Variants in ARL13B observed in about 807,000 individuals in gnomAD.
The protein encoded by ARL13B is ADP-ribosylation factor-like protein 13B.
In ARL13B, 36 loss-of-function variants were observed where a neutral mutation model predicts 56.1. The ratio of observed to expected loss-of-function variants is 0.64; its 90% CI spans 0.49 to 0.85. The LOEUF (loss-of-function observed/expected upper bound fraction) is 0.85, where lower values mean the gene tolerates loss of function less well. ARL13B is among the 40% of genes least tolerant of loss of function. The pLI is 0.00. For synonymous variants in ARL13B, 178 were observed against 171.1 expected, an observed-to-expected ratio of 1.04 and a Z score of -0.32; for missense variants, 519 against 507.1, an observed-to-expected ratio of 1.02 and a Z score of -0.23.
chr3:94,040,149 T>A (rs554818506), intron 6 of ARL13B, among the ~76,000 whole-genome samples, 161 bp downstream of exon 6: 3 of 152,346 alleles, frequency 2.0e-5, no homozygotes, highest in African/African-American at 7.2e-5. Context: ...AAAGGTTTAC[T>A]GCTTTTTCTT....
intron 3 of ARL13B, among the ~76,000 whole-genome samples, chr3:94,022,827 T>C (rs1254477102): frequency 6.6e-6 from 1 of 152,028 alleles, no homozygotes. Context: ...AAGAAACATA[T>C]AACATTTAAT....
At chr3:93,997,904 T>C (rs534601831) in intron 2 of ARL13B, among the ~76,000 whole-genome samples, 9 of 152,234 alleles carry the variant, frequency 5.9e-5, no homozygotes, top group Admixed American at 1.3e-4. Flanking sequence ...GGAAAATTGC[T>C]TGAACCCCGG....
At chr3:94,045,972 A>G (rs2076977347) in intron 7 of ARL13B, among the ~76,000 whole-genome samples, 1 of 151,268 alleles carries the variant, frequency 6.6e-6, no homozygotes, top group African/African-American at 2.4e-5. Context: ...AAAAAAGAAA[A>G]AAAAAAGACA....
At chr3:94,045,581 T>C (rs1446444396) in intron 7 of ARL13B, among the ~76,000 whole-genome samples, 1 of 151,532 alleles carries the variant, frequency 6.6e-6, no homozygotes, top group Non-Finnish European at 1.5e-5. Flanking sequence ...CATTATAAAA[T>C]ATATGTAAAA....
intron 3 of ARL13B, among the ~76,000 whole-genome samples, chr3:94,028,849 G>A (rs538593390): frequency 7.4e-4 from 113 of 152,038 alleles, no homozygotes; most frequent in African/African-American, 2.7e-3. Flanking sequence ...CTAAAAATAT[G>A]GAATTAAATA....
At chr3:94,049,948 C>G (rs1264076891) in intron 8 of ARL13B, among the ~76,000 whole-genome samples, 1 of 146,996 alleles carries the variant, frequency 6.8e-6, no homozygotes, top group Non-Finnish European at 1.5e-5. Flanking sequence ...GTGAAGAGTT[C>G]GAGATCAACC....
Position 94,008,518 on chromosome 3 carries a change from G to C in ARL13B, c.380+4610G>C, listed in dbSNP as rs538873843. ...AGACATTTTCCATTAATAGTACAAGGCATGATTTGTTGATTACCTGAGGAA... is the reference window on the plus strand; with the variant it reads ...AGACATTTTCCATTAATAGTACAAGCCATGATTTGTTGATTACCTGAGGAA... On this transcript the variant is annotated intron_variant, in intron 3 of 9. Coordinates refer to ENST00000394222, the MANE Select transcript of ARL13B (RefSeq NM_001174150.2). Among the ~76,000 whole-genome samples, 6 of 152,218 alleles carry C rather than the reference G, an allele frequency of 3.9e-5. No homozygotes were observed. The East Asian group carries it at 1.2e-3, about 29-fold the overall frequency.
chr3:94,035,977 G>C (rs902781981), intron 4 of ARL13B, among the ~76,000 whole-genome samples: 4 of 152,064 alleles, frequency 2.6e-5, no homozygotes, highest in Non-Finnish European at 5.9e-5. Context: ...GGGGGCTGAG[G>C]TGGGAAGACC....
Position 93,989,998 on chromosome 3 carries a change from T to C in ARL13B, c.60-5876T>C, listed in dbSNP as rs192897802. Among the ~76,000 whole-genome samples the C allele has an allele frequency of 3.2e-3, 478 of 149,436 alleles. 3 individuals carry two copies. The highest frequency in any genetic ancestry group is 0.011 in the African/African-American group (447 of 41,302). ...ATACAGTTTGAGTATCTCTTTTTTT[T>C]GTTTTGTTTTGTTTTGTTTTGTTTG... On this transcript the variant is annotated intron_variant, in intron 1 of 9. Transcript: ENST00000394222.
intron 3 of ARL13B, among the ~76,000 whole-genome samples, chr3:94,010,080 C>T (rs1039603332): frequency 6.6e-6 from 1 of 152,078 alleles, no homozygotes; most frequent in Non-Finnish European, 1.5e-5. Flanking sequence ...TTTTTCCATA[C>T]GTGCTCTCCA....
chr3:93,999,484 A>T (rs1369766118), intron 2 of ARL13B, among the ~76,000 whole-genome samples: 3 of 152,000 alleles, frequency 2.0e-5, no homozygotes, highest in Admixed American at 2.0e-4. Context: ...ATATATTACG[A>T]GGTACATGAG....
chr3:93,980,482 G>T lies in ARL13B; in HGVS notation c.59G>T (p.Arg20Ile). The T allele has an allele frequency of 6.2e-7, 1 of 1,610,834 alleles. No individual in the cohort carries two copies. ...TTCAAGCGGTGGCGGGAGCCTGTCA[G>T]GTAGGCTGGAGCCAGCTGTCCTGGC... ...GWFKRWREPVRKVTLLMVGLD... is the reference protein window; with the variant it reads ...GWFKRWREPVIKVTLLMVGLD... Residue 20 changes from arginine to isoleucine, a missense_variant and splice_region_variant, in exon 1 of 10, where the codon AGA becomes ATA. Arg to Ile is a moderately conservative substitution (Grantham distance 97). Transcript: ENST00000394222.
At chr3:94,035,576 C>A in intron 4 of ARL13B, 140 bp downstream of exon 4, 1 of 612,998 alleles carries the variant, frequency 1.6e-6, no homozygotes, top group Non-Finnish European at 2.8e-6. Context: ...ATCACATTCC[C>A]ATTTTTCTGT....
intron 3 of ARL13B, among the ~76,000 whole-genome samples, chr3:94,016,392 G>A (rs560320270): frequency 2.6e-5 from 4 of 152,186 alleles, no homozygotes; most frequent in African/African-American, 7.2e-5. Context: ...TGTTGTCATA[G>A]GAGGCATACT....
chr3:94,045,419 GA>G (rs1227579420), intron 7 of ARL13B, among the ~76,000 whole-genome samples: 1 of 127,472 alleles, frequency 7.8e-6, no homozygotes, highest in Non-Finnish European at 1.6e-5. Flanking sequence ...CCCTCTCCGA[GA>G]AACACCCAAG....
intron 3 of ARL13B, among the ~76,000 whole-genome samples, chr3:94,034,926 A>G (rs568537631): frequency 7.5e-4 from 114 of 152,298 alleles, no homozygotes; most frequent in African/African-American, 2.7e-3. Context: ...CAGTACATTT[A>G]AAACTTGGGA....
chr3:93,995,525 A>G (rs1016771553), intron 1 of ARL13B, among the ~76,000 whole-genome samples: 1 of 152,164 alleles, frequency 6.6e-6, no homozygotes, highest in African/African-American at 2.4e-5. Flanking sequence ...AGCTTTCAAT[A>G]AACTAGAAAA....
chr3:94,013,475 G>A (rs2076261537), intron 3 of ARL13B, among the ~76,000 whole-genome samples: 1 of 152,136 alleles, frequency 6.6e-6, no homozygotes, highest in African/African-American at 2.4e-5. Context: ...GACTTTATCT[G>A]CCAGTCTGTA....
At chr3:94,015,324 G>A (rs1051128082) in intron 3 of ARL13B, 3 of 1,452,724 alleles carry the variant, frequency 2.1e-6, no homozygotes, top group Middle Eastern at 1.8e-4. Flanking sequence ...TAGAAATTTG[G>A]TATTTTTCCC....
Sources: gnomAD v4.1 joint callset for allele counts (sites outside exome capture counted in the v4.1 genomes callset) on GRCh38, gnomAD v4.1.1 for gene constraint, MANE v1.5 for transcripts, NCBI Gene and HGNC (gene_info 2026-07-23, HGNC 2026-07-21) for gene names.